Variants in AASS observed in about 807,000 individuals in gnomAD.
AASS encodes the protein aminoadipate-semialdehyde synthase.
In AASS, 86 loss-of-function variants were observed where a neutral mutation model predicts 105.4. That is an observed-to-expected ratio of 0.82 (90% CI 0.69 to 0.98). AASS has a LOEUF of 0.98. Among genes scored for constraint, AASS ranks in the 50% least tolerant of loss-of-function variants. AASS has a pLI of 0.00. For synonymous variants in AASS, 381 were observed against 394.8 expected (o/e 0.96, Z 0.41); for missense variants, 1,048 against 1,143.2 (o/e 0.92, Z 1.20).
intron 2 of AASS, among the ~76,000 whole-genome samples, chr7:122,131,090 G>A (rs1341647620): frequency 6.6e-6 from 1 of 151,408 alleles, no homozygotes; most frequent in Non-Finnish European, 1.5e-5. Flanking sequence ...ACCTCTTTGG[G>A]GTGGGTGAGA....
At chr7:122,081,659 T>G in intron 19 of AASS, 64 bp from the exon 20 acceptor site, 1 of 1,199,136 alleles carries the variant, frequency 8.3e-7, no homozygotes, top group Non-Finnish European at 1.2e-6. Flanking sequence ...ACTTAAAATA[T>G]TTTTGAAAAG....
At chr7:122,085,067 T>C (rs1400343877) in intron 19 of AASS, among the ~76,000 whole-genome samples, 1 of 152,120 alleles carries the variant, frequency 6.6e-6, no homozygotes, top group Non-Finnish European at 1.5e-5. Context: ...GGATTTAGGG[T>C]GAACCCTAAG....
At chr7:122,116,606 A>C in intron 8 of AASS, 27 bp downstream of exon 8, 1 of 1,613,802 alleles carries the variant, frequency 6.2e-7, no homozygotes, top group South Asian at 1.1e-5. Context: ...ATAAGCAACC[A>C]ACTTAAAAGG....
chr7:122,100,852 C>A (rs991230545), intron 13 of AASS, among the ~76,000 whole-genome samples: 1 of 151,834 alleles, frequency 6.6e-6, no homozygotes, highest in East Asian at 1.9e-4. Context: ...TTGGCACCTT[C>A]CCCCTAATAA....
intron 11 of AASS, among the ~76,000 whole-genome samples, chr7:122,108,630 T>C (rs1794782385): frequency 6.6e-6 from 1 of 152,120 alleles, no homozygotes; most frequent in Non-Finnish European, 1.5e-5. Context: ...CATCACCTTA[T>C]GATAAAAACT....
chr7:122,086,840 G>C (rs1197325249), intron 18 of AASS, among the ~76,000 whole-genome samples: 1 of 152,114 alleles, frequency 6.6e-6, no homozygotes, highest in Non-Finnish European at 1.5e-5. Context: ...AATAACATGA[G>C]TGATGAAATA....
intron 11 of AASS, among the ~76,000 whole-genome samples, chr7:122,111,174 G>C (rs1584863913): frequency 1.3e-5 from 2 of 151,922 alleles, no homozygotes; most frequent in East Asian, 3.9e-4. Context: ...ATTGTAAAGT[G>C]GTTTTTATAA....
intron 15 of AASS, among the ~76,000 whole-genome samples, chr7:122,093,847 A>C (rs1206362): frequency 0.096 from 14,636 of 152,122 alleles, 934 homozygotes; most frequent in African/African-American, 0.18. Flanking sequence ...ATAAAAAAAC[A>C]AAAACCGTGA....
chr7:122,089,543 C>T (rs1331635226), intron 18 of AASS, among the ~76,000 whole-genome samples: 1 of 152,140 alleles, frequency 6.6e-6, no homozygotes, highest in Non-Finnish European at 1.5e-5. Flanking sequence ...TGAAAATAAC[C>T]TCTTGTTTGT....
chr7:122,129,771 A>T (rs1025969771), intron 2 of AASS, among the ~76,000 whole-genome samples: 1 of 152,134 alleles, frequency 6.6e-6, no homozygotes, highest in African/African-American at 2.4e-5. Context: ...ATATATATAT[A>T]TGTATGTTTA....
chr7:122,076,750 C>G, intron 23 of AASS, 143 bp from the exon 24 acceptor site: 1 of 692,950 alleles, frequency 1.4e-6, no homozygotes, highest in Admixed American at 2.2e-5. Context: ...TGCTTAAAAA[C>G]GTCCCTTAGT....
At chr7:122,112,039 G>A (rs1176431558) in intron 11 of AASS, among the ~76,000 whole-genome samples, 2 of 152,176 alleles carry the variant, frequency 1.3e-5, no homozygotes, top group African/African-American at 4.8e-5. Context: ...CTCCAGCAAA[G>A]CCTGGCATTT....
At chr7:122,121,253 T>A (rs980594942) in intron 4 of AASS, among the ~76,000 whole-genome samples, 2 of 152,180 alleles carry the variant, frequency 1.3e-5, no homozygotes, top group Non-Finnish European at 2.9e-5. Context: ...ACTTCCGGTA[T>A]AATAAAATAA....
At chr7:122,118,673 G>A in intron 4 of AASS, 43 bp from the exon 5 acceptor site, 1 of 1,589,278 alleles carries the variant, frequency 6.3e-7, no homozygotes, top group East Asian at 2.2e-5. Context: ...TAGTTGGGAA[G>A]AATTTAAGCT....
At chr7:122,080,664 C>T (rs1793270546) in intron 20 of AASS, among the ~76,000 whole-genome samples, 1 of 152,154 alleles carries the variant, frequency 6.6e-6, no homozygotes, top group African/African-American at 2.4e-5. Flanking sequence ...GGTAGATACC[C>T]CATTTACCCA....
chr7:122,086,624 A>G (rs946141188), intron 18 of AASS, among the ~76,000 whole-genome samples: 1 of 151,936 alleles, frequency 6.6e-6, no homozygotes, highest in Admixed American at 6.5e-5. Context: ...TGTTTAAAAA[A>G]TAAACTTAAA....
intron 3 of AASS, among the ~76,000 whole-genome samples, chr7:122,126,689 C>T (rs1429807907): frequency 6.6e-6 from 1 of 151,652 alleles, no homozygotes; most frequent in Admixed American, 6.6e-5. Flanking sequence ...GGTGCTATAC[C>T]CCCCTTGATG....
chr7:122,100,483 C>T (rs1164060373), intron 13 of AASS, among the ~76,000 whole-genome samples: 1 of 151,870 alleles, frequency 6.6e-6, no homozygotes, highest in African/African-American at 2.4e-5. Flanking sequence ...TAACTATAAT[C>T]AAACCAGCAC....
At position 122,079,746 on chromosome 7, in the gene AASS, C is replaced by T. The variant is rs1220809223; in HGVS notation, c.2281-34G>A. On this transcript the variant is annotated intron_variant, in intron 20 of 23. Coordinates refer to ENST00000417368, the MANE Select transcript of AASS (RefSeq NM_005763.4). Reference sequence around the variant, plus strand: ...AAAAAGAAATACAATATTTCTAAGTCCCTAACAAATTTTTTTTTAATTGAC... The same window carrying T: ...AAAAAGAAATACAATATTTCTAAGTTCCTAACAAATTTTTTTTTAATTGAC... The T allele has an allele frequency of 7.9e-6, 12 of 1,522,996 alleles. No homozygotes were observed. The South Asian group carries it at 1.4e-4, about 17-fold the overall frequency. 94.3% of individuals were successfully genotyped at this position (1,522,996 alleles called of 1,614,324 possible). A position where few individuals can be genotyped will look rare whatever the true frequency, so the allele number is the denominator to read the frequency against.
Sources: allele counts gnomAD v4.1 joint callset (sites outside exome capture counted in the v4.1 genomes callset), GRCh38; gene constraint gnomAD v4.1.1; transcripts MANE v1.5; gene names NCBI Gene and HGNC (gene_info 2026-07-23, HGNC 2026-07-21).